Variants in CLEC4F observed in about 807,000 individuals in gnomAD.
The protein encoded by CLEC4F is C-type (calcium dependent, carbohydrate-recognition domain) lectin, superfamily member 13.
A neutral mutation model predicts 53.4 loss-of-function variants in CLEC4F; 45 were observed. The observed-to-expected ratio is 0.84, with a 90% confidence interval of 0.66 to 1.08. CLEC4F has a LOEUF of 1.08. Ranked by LOEUF, CLEC4F falls within the 50% of genes least tolerant of loss-of-function variation. CLEC4F has a pLI of 0.00. For missense variants in CLEC4F, 753 were observed against 698.2 expected, an observed-to-expected ratio of 1.08 and a Z score of -0.88; for synonymous variants, 245 against 257.5, an observed-to-expected ratio of 0.95 and a Z score of 0.46.
chr2:70,821,433 A>G (rs1451728896), upstream of CLEC4F, among the ~76,000 whole-genome samples: 1 of 152,122 alleles, frequency 6.6e-6, no homozygotes, highest in Non-Finnish European at 1.5e-5. Context: ...CCCTACTCCC[A>G]GACCTCCAGG....
intron 6 of CLEC4F, 32 bp downstream of exon 6, chr2:70,809,707 C>T: frequency 6.5e-7 from 1 of 1,539,536 alleles, no homozygotes; most frequent in Non-Finnish European, 9.0e-7. Flanking sequence ...AAGACAGTGC[C>T]TGGGACAGCG....
chr2:70,820,672 ACT>A, upstream of CLEC4F: 1 of 746,248 alleles, frequency 1.3e-6, no homozygotes, highest in Non-Finnish European at 2.1e-6. Context: ...TCCCTGCCTG[ACT>A]CTGCAGAAAC....
Position 70,808,964 on chromosome 2 carries a change from C to A in CLEC4F, c.*307G>T. 9.8e-7 allele frequency: 1 copy of A among 1,021,970 alleles called. No homozygotes were observed. The highest frequency in any genetic ancestry group is 1.5e-5 in the South Asian group (1 of 66,876). 63.3% of individuals were successfully genotyped at this position (1,021,970 alleles called of 1,614,324 possible). A position where few individuals can be genotyped will look rare whatever the true frequency, so the allele number is the denominator to read the frequency against. ...CCCTGGCCCATGGGCTTCTTGCACA[C>A]CCACTGATAGGGGGTGTCACAGGTC... On this transcript the variant is annotated 3_prime_UTR_variant, in exon 7 of 7. Coordinates refer to ENST00000272367, the MANE Select transcript of CLEC4F (RefSeq NM_173535.3).
At chr2:70,818,959 A>G (rs1677074385) in intron 3 of CLEC4F, among the ~76,000 whole-genome samples, 1 of 152,124 alleles carries the variant, frequency 6.6e-6, no homozygotes, top group African/African-American at 2.4e-5. Context: ...TACATACTCT[A>G]TGATCTCTTA....
intron 4 of CLEC4F, among the ~76,000 whole-genome samples, chr2:70,814,714 C>T (rs1574373442): frequency 1.3e-5 from 2 of 151,928 alleles, no homozygotes; most frequent in South Asian, 2.1e-4. Context: ...CGTACAGCCC[C>T]AAAGCCTAAG....
upstream of CLEC4F, among the ~76,000 whole-genome samples, chr2:70,824,106 G>C (rs782042408): frequency 1.3e-5 from 2 of 151,926 alleles, no homozygotes; most frequent in Non-Finnish European, 2.9e-5. Flanking sequence ...CCAGAGCCAG[G>C]AGAGGGAGAG....
chr2:70,818,806 C>A (rs782774333), intron 3 of CLEC4F, among the ~76,000 whole-genome samples: 63 of 151,164 alleles, frequency 4.2e-4, no homozygotes, highest in Non-Finnish European at 6.6e-4. Context: ...TTCTCACATA[C>A]GAGATCATGA....
In CLEC4F at chr2:70,816,062, T is replaced by G; in HGVS notation, c.1319A>C (p.Gln440Pro). ...NTKALTMEIQQEQSRLKTLHV... is the reference protein window; with the variant it reads ...NTKALTMEIQPEQSRLKTLHV... The stretch of plus-strand genomic sequence containing the variant: ...GAGGGTCTTCAGGCGACTCTGCTCC[T>G]GCTGGATTTCCATGGTTAGAGCTTT... Residue 440 changes from glutamine to proline, a missense_variant, in exon 4 of 7, where the codon CAG (glutamine) becomes CCG (proline). Gln to Pro is a moderately conservative substitution (Grantham distance 76, BLOSUM62 -1). Transcript: ENST00000272367. The G allele has an allele frequency of 6.2e-7, 1 of 1,614,234 alleles. No homozygotes were observed. The highest frequency in any genetic ancestry group is 8.5e-7 in the Non-Finnish European group (1 of 1,180,020).
chr2:70,819,500 T>C, intron 2 of CLEC4F, 56 bp from the exon 3 acceptor site: 1 of 1,497,610 alleles, frequency 6.7e-7, no homozygotes. Flanking sequence ...CCTGGGAGGA[T>C]ACGCTGTCCC....
At position 70,816,982 on chromosome 2, in the gene CLEC4F, C is replaced by T. The variant is rs183733688; in HGVS notation, c.399G>A (p.Ser133=). 58 of 1,614,130 alleles carry T rather than the reference C, an allele frequency of 3.6e-5. No individual in the cohort carries two copies. The Middle Eastern group carries it at 4.9e-4, about 14-fold the overall frequency. The change falls in exon 4 of 7, where the codon TCG becomes TCA. Residue 133 remains serine (S), a synonymous_variant. Transcript: ENST00000272367. ...GATGATCACCGAGCACCTGGAGCTG[C>T]GAATTGACATTGTCCACTCTGCACT... The part of the protein sequence containing the change: ...MLKCRVDNVN[S]QLQVLGDHLG...
At position 70,816,294 on chromosome 2, in the gene CLEC4F, T is replaced by G. The variant is rs782330268; in HGVS notation, c.1087A>C (p.Lys363Gln). 1 of 1,614,230 alleles carries G rather than the reference T, an allele frequency of 6.2e-7. No homozygotes were observed. Among genetic ancestry groups the G allele is most frequent in the South Asian group, 1.1e-5 (1 of 91,082 alleles). Reference protein sequence around the residue: ...DQTDTQIQVFKSEMENVNTLN... With the variant: ...DQTDTQIQVFQSEMENVNTLN... Reference sequence around the variant, plus strand: ...GTATTCACATTTTCCATCTCTGACTTGAATACCTGAATCTGAGTATCTGTC... The same window carrying G: ...GTATTCACATTTTCCATCTCTGACTGGAATACCTGAATCTGAGTATCTGTC... Residue 363 changes from lysine to glutamine, a missense_variant, in exon 4 of 7, where the codon AAG becomes CAG. Lys to Gln is a moderately conservative substitution (Grantham distance 53). Transcript: ENST00000272367.
At chr2:70,818,027 G>C (rs1189058097) in intron 3 of CLEC4F, among the ~76,000 whole-genome samples, 1 of 152,162 alleles carries the variant, frequency 6.6e-6, no homozygotes, top group African/African-American at 2.4e-5. Context: ...ACACATCCAT[G>C]ATCCCCTTCT....
chr2:70,817,175 G>T, intron 3 of CLEC4F, 63 bp from the exon 4 acceptor site: 1 of 1,504,552 alleles, frequency 6.6e-7, no homozygotes, highest in Non-Finnish European at 8.9e-7. Context: ...CATTTTATGG[G>T]CCACCCAGAG....
intron 6 of CLEC4F, 124 bp downstream of exon 6, chr2:70,809,615 C>T (rs1676432219): frequency 1.1e-5 from 9 of 822,260 alleles, no homozygotes; most frequent in Admixed American, 2.0e-5. Flanking sequence ...ACCACATACA[C>T]ACCACACACG....
chr2:70,820,215 A>T (rs1302377096), intron 1 of CLEC4F, among the ~76,000 whole-genome samples: 1 of 152,196 alleles, frequency 6.6e-6, no homozygotes, highest in Non-Finnish European at 1.5e-5. Context: ...ACAAAAGTGT[A>T]GTTTGAATGA....
At chr2:70,820,722 AC>A, upstream of CLEC4F, 1 of 530,386 alleles carries the variant, frequency 1.9e-6, no homozygotes, top group Non-Finnish European at 3.3e-6. Flanking sequence ...GCTCCCAGAT[AC>A]CCATCTGCCC....
rs782350868 is a variant in CLEC4F at position 70,816,887 on chromosome 2, T to C, written c.494A>G (p.Gln165Arg). ...VLKDATTLSLQTQMLRSSLEG... is the reference protein window; with the variant it reads ...VLKDATTLSLRTQMLRSSLEG... Reference sequence around the variant, plus strand: ...CAGGGAACTCCTTAACATCTGTGTCTGCAAACTCAATGTAGTGGCATCCTT... The same window carrying C: ...CAGGGAACTCCTTAACATCTGTGTCCGCAAACTCAATGTAGTGGCATCCTT... Residue 165 changes from glutamine to arginine, a missense_variant, in exon 4 of 7, where the codon CAG (glutamine) becomes CGG (arginine). Gln to Arg is a conservative substitution (Grantham distance 43). Coordinates refer to ENST00000272367, the MANE Select transcript of CLEC4F (RefSeq NM_173535.3). 1.2e-6 allele frequency: 2 copies of C among 1,614,114 alleles called. No homozygotes were observed. Among genetic ancestry groups the C allele is most frequent in the African/African-American group, 1.3e-5 (1 of 74,934 alleles).
At chr2:70,824,452 A>T (rs56919478), upstream of CLEC4F, among the ~76,000 whole-genome samples, 90,983 of 150,880 alleles carry the variant, frequency 0.6, 27,919 homozygotes, top group Middle Eastern at 0.7. Context: ...AATGATGTTC[A>T]AATAGCAACA....
chr2:70,812,380 C>A, intron 5 of CLEC4F, 67 bp downstream of exon 5: 1 of 1,577,622 alleles, frequency 6.3e-7, no homozygotes, highest in Non-Finnish European at 8.6e-7. Context: ...AGCAGGAAGG[C>A]CAAAACACCA....
Sources: gnomAD v4.1 joint callset for allele counts (sites outside exome capture counted in the v4.1 genomes callset) on GRCh38, gnomAD v4.1.1 for gene constraint, MANE v1.5 for transcripts, NCBI Gene and HGNC (gene_info 2026-07-23, HGNC 2026-07-21) for gene names.